The following SCRG1 variants were observed in gnomAD, a reference collection of about 807,000 sequenced individuals.
SCRG1 encodes scrapie-responsive protein 1.
In SCRG1, 3 loss-of-function variants were observed where a neutral mutation model predicts 7.7. That is an observed-to-expected ratio of 0.39 (90% CI 0.18 to 1.01). The LOEUF is 1.01. Ranked by LOEUF, SCRG1 falls within the 50% of genes least tolerant of loss-of-function variation. The probability of loss-of-function intolerance (pLI) is 0.36; values close to 1 mark genes in which losing one functional copy is unlikely to be tolerated. For synonymous variants in SCRG1, 46 were observed against 41.2 expected, an observed-to-expected ratio of 1.12 and a Z score of -0.44; for missense variants, 110 against 117.2, an observed-to-expected ratio of 0.94 and a Z score of 0.28.
At position 173,384,962 on chromosome 4, in the gene SCRG1, A is replaced by G. The variant is rs1739207203; in HGVS notation, c.*3379T>C. On this transcript the variant is annotated 3_prime_UTR_variant, in exon 3 of 3. Coordinates refer to ENST00000296506, the MANE Select transcript of SCRG1 (RefSeq NM_007281.4). ...ATTAGGTAATGCTGTTAAACAACATAGTGGTTAAGACTCTAGATGCTAGTG... is the reference window on the plus strand; with the variant it reads ...ATTAGGTAATGCTGTTAAACAACATGGTGGTTAAGACTCTAGATGCTAGTG... 6.6e-6 allele frequency: 1 copy of G among 152,188 alleles called. No individual in the cohort carries two copies. The highest frequency in any genetic ancestry group is 2.1e-4 in the South Asian group (1 of 4,832). The allele number at this position is 152,188 out of a possible 1,614,324, so 9.4% of individuals were successfully genotyped here.
At chr4:173,513,865 AGAAACTGGACAGACTTCAGTGGGTGAG>A in the SCRG1 span, among the ~76,000 whole-genome samples, 1 of 152,236 alleles carries the variant, frequency 6.6e-6, no homozygotes, top group Non-Finnish European at 1.5e-5. Context: ...CAGTGGGTGA[AGAAACTGGACAGACTTCAGTGGGTGAG>A]GAAACTGGGG....
the SCRG1 span, among the ~76,000 whole-genome samples, chr4:173,500,487 T>TGTGTGC: frequency 1.0e-5 from 1 of 100,300 alleles, no homozygotes; most frequent in Non-Finnish European, 2.0e-5. Context: ...TGTGTGTGTG[T>TGTGTGC]GTGTGTGTTT....
At chr4:173,472,531 G>T in the SCRG1 span, among the ~76,000 whole-genome samples, 1 of 152,172 alleles carries the variant, frequency 6.6e-6, no homozygotes, top group African/African-American at 2.4e-5. Context: ...TGAGTCCAAA[G>T]GCCTGGGAAC....
At chr4:173,514,751 C>T in the SCRG1 span, among the ~76,000 whole-genome samples, 16 of 152,344 alleles carry the variant, frequency 1.1e-4, no homozygotes, top group East Asian at 2.1e-3. Context: ...AAGGATAGAG[C>T]TCTTCAGGTC....
chr4:173,396,389 A>T (rs1315126780), intron 1 of SCRG1, among the ~76,000 whole-genome samples: 3 of 152,204 alleles, frequency 2.0e-5, no homozygotes, highest in Admixed American at 2.0e-4. Flanking sequence ...AGAAGAGATG[A>T]GGCAAAGGGC....
chr4:173,505,294 C>T, the SCRG1 span, among the ~76,000 whole-genome samples: 1 of 152,168 alleles, frequency 6.6e-6, no homozygotes, highest in Non-Finnish European at 1.5e-5. The surrounding 1 kb of genome is among the most constrained non-coding windows in gnomAD (Gnocchi z 4.4). Context: ...AATTTATCCT[C>T]AATGCCCACC....
chr4:173,482,263 A>AGT, the SCRG1 span, among the ~76,000 whole-genome samples: 1 of 152,132 alleles, frequency 6.6e-6, no homozygotes, highest in Non-Finnish European at 1.5e-5. Context: ...AGTCTTCTTG[A>AGT]GTGTTAATAT....
chr4:173,429,069 C>T, the SCRG1 span, among the ~76,000 whole-genome samples: 18 of 152,042 alleles, frequency 1.2e-4, no homozygotes, highest in African/African-American at 4.3e-4. Flanking sequence ...TTGTAATGTT[C>T]CCACTCAAAG....
chr4:173,507,124 G>T, the SCRG1 span, among the ~76,000 whole-genome samples: 3 of 152,220 alleles, frequency 2.0e-5, no homozygotes, highest in Admixed American at 6.5e-5. The surrounding 1 kb of genome is among the most constrained non-coding windows in gnomAD (Gnocchi z 4.4). Flanking sequence ...TGAAGGGAAG[G>T]CCGCGAGATG....
the SCRG1 span, among the ~76,000 whole-genome samples, chr4:173,483,377 T>TTCTATATTATATATTATATCATGA: frequency 5.0e-4 from 8 of 16,152 alleles, 2 homozygotes; most frequent in South Asian, 0.019. Flanking sequence ...TAATATTATA[T>TTCTATATTATATATTATATCATGA]TATATATTAT....
At chr4:173,435,973 A>C in the SCRG1 span, among the ~76,000 whole-genome samples, 4 of 152,364 alleles carry the variant, frequency 2.6e-5, no homozygotes, top group African/African-American at 9.6e-5. Flanking sequence ...AGAGAAACTG[A>C]AGCAGCCCCT....
chr4:173,395,335 T>G (rs1357579525), intron 1 of SCRG1, among the ~76,000 whole-genome samples: 1 of 152,246 alleles, frequency 6.6e-6, no homozygotes, highest in Non-Finnish European at 1.5e-5. Context: ...ATGAATGATT[T>G]TCCAAAAACA....
At chr4:173,458,796 A>C in the SCRG1 span, among the ~76,000 whole-genome samples, 1 of 152,114 alleles carries the variant, frequency 6.6e-6, no homozygotes, top group African/African-American at 2.4e-5. Flanking sequence ...TTCCCCACTT[A>C]AAAGATACAG....
chr4:173,478,720 G>T, the SCRG1 span, among the ~76,000 whole-genome samples: 2 of 152,094 alleles, frequency 1.3e-5, no homozygotes, highest in Non-Finnish European at 1.5e-5. Flanking sequence ...AAGTGGGTGC[G>T]AGCCATGTTG....
chr4:173,511,071 A>G, the SCRG1 span, among the ~76,000 whole-genome samples: 5 of 152,044 alleles, frequency 3.3e-5, no homozygotes, highest in Non-Finnish European at 5.9e-5. This position sits in a 1 kb window ranked among gnomAD's most constrained non-coding sequence, Gnocchi z 5.2. Context: ...GATTCAAGCG[A>G]TTCTCCTACC....
At chr4:173,473,758 AG>A in the SCRG1 span, among the ~76,000 whole-genome samples, 1 of 152,214 alleles carries the variant, frequency 6.6e-6, no homozygotes, top group African/African-American at 2.4e-5. Flanking sequence ...CACATCCCAG[AG>A]GCCTCACTCT....
In SCRG1 at chr4:173,391,320, A is replaced by G; in HGVS notation, c.95T>C (p.Ile32Thr). 1.2e-6 allele frequency: 2 copies of G among 1,614,212 alleles called. No individual in the cohort carries two copies. Among genetic ancestry groups the G allele is most frequent in the South Asian group, 2.2e-5 (2 of 91,092 alleles). The part of the protein sequence containing the change: ...PANRLSCYRK[I>T]LKDHNCHNLP... ...GTTGTGACAGTTGTGATCTTTTAGT[A>G]TCTTTCTGTAGCAAGAGAGGCGATT... Residue 32 changes from isoleucine (I) to threonine (T), a missense_variant, in exon 2 of 3, where the codon ATA becomes ACA. Transcript: ENST00000296506.
At chr4:173,447,372 C>T in the SCRG1 span, among the ~76,000 whole-genome samples, 1 of 152,208 alleles carries the variant, frequency 6.6e-6, no homozygotes, top group African/African-American at 2.4e-5. Flanking sequence ...AGGATTTGAA[C>T]ATGTAAATTT....
upstream of SCRG1, among the ~76,000 whole-genome samples, chr4:173,402,674 G>T (rs550839825): frequency 2.0e-5 from 3 of 152,156 alleles, no homozygotes; most frequent in Non-Finnish European, 4.4e-5. Flanking sequence ...AGAATCTGCT[G>T]CTCCTCTGTT....
Sources: gnomAD v4.1 joint callset for allele counts (sites outside exome capture counted in the v4.1 genomes callset) on GRCh38, gnomAD v4.1.1 for gene constraint, Gnocchi (gnomAD v3.1) non-coding constraint, MANE v1.5 for transcripts, NCBI Gene and HGNC (gene_info 2026-07-23, HGNC 2026-07-21) for gene names.